GRID2: variants seen among roughly 807,000 people sequenced by gnomAD.
GRID2 encodes the protein glutamate ionotropic receptor delta type subunit 2, also known as glutamate receptor ionotropic, delta-2.
Under a neutral mutation model 114.8 loss-of-function variants are expected in GRID2, and 33 were observed. The ratio of observed to expected loss-of-function variants is 0.29; its 90% CI spans 0.22 to 0.38. GRID2 has a LOEUF of 0.38. GRID2 is among the 10% of genes least tolerant of loss of function. The probability of loss-of-function intolerance (pLI) is 1.00; values close to 1 mark genes in which losing one functional copy is unlikely to be tolerated. For missense variants in GRID2, 1,184 were observed against 1,257.7 expected (o/e 0.94, Z 0.89); for synonymous variants, 505 against 449.9 (o/e 1.12, Z -1.55).
intron 2 of GRID2, among the ~76,000 whole-genome samples, chr4:92,591,964 TC>T (rs746261917): frequency 1.3e-5 from 2 of 152,006 alleles, no homozygotes; most frequent in Non-Finnish European, 2.9e-5. Context: ...ATCAGAATCA[TC>T]CCGACAATAT....
intron 2 of GRID2, among the ~76,000 whole-genome samples, chr4:92,615,834 T>A (rs1729981024): frequency 6.6e-6 from 1 of 151,628 alleles, no homozygotes; most frequent in African/African-American, 2.4e-5. Context: ...TATCACAGTC[T>A]ACTTCAGGTT....
chr4:92,707,493 A>T (rs1033742087), intron 2 of GRID2, among the ~76,000 whole-genome samples: 1 of 152,244 alleles, frequency 6.6e-6, no homozygotes, highest in Non-Finnish European at 1.5e-5. Flanking sequence ...ACAAAGACAA[A>T]TATGAAATAA....
At chr4:92,923,126 T>G (rs1749503185) in intron 2 of GRID2, among the ~76,000 whole-genome samples, 1 of 152,202 alleles carries the variant, frequency 6.6e-6, no homozygotes, top group African/African-American at 2.4e-5. Flanking sequence ...TTTCATGAAA[T>G]GCAATAGTGT....
At chr4:93,634,666 G>A (rs1283917191) in intron 14 of GRID2, among the ~76,000 whole-genome samples, 1 of 152,050 alleles carries the variant, frequency 6.6e-6, no homozygotes, top group Non-Finnish European at 1.5e-5. Context: ...AGAAATATCT[G>A]TACAGACGAG....
chr4:93,060,592 A>G (rs1727690932), intron 2 of GRID2, among the ~76,000 whole-genome samples: 1 of 152,198 alleles, frequency 6.6e-6, no homozygotes, highest in South Asian at 2.1e-4. Context: ...ATAAGTGCTC[A>G]TAGAAATAGC....
intron 14 of GRID2, among the ~76,000 whole-genome samples, chr4:93,676,010 A>G (rs1724822955): frequency 6.6e-6 from 1 of 152,334 alleles, no homozygotes; most frequent in East Asian, 1.9e-4. Context: ...TTGAAATTCA[A>G]GAGTAATTTG....
rs536277250 is a variant in GRID2 at position 93,094,324 on chromosome 4, GA to G, written c.529+9050del. ...TTTTGCCTGCTTTTTGATTTGCTAT[GA>G]AAAAGATAAATATTTTAAGGACACC... is the stretch of plus-strand genomic sequence containing the variant. On this transcript the variant is annotated intron_variant, in intron 3 of 15. Coordinates refer to ENST00000282020, the MANE Select transcript of GRID2 (RefSeq NM_001510.4). Among the ~76,000 whole-genome samples, 463 of 152,018 alleles carry G rather than the reference GA, an allele frequency of 3.0e-3. 3 individuals carry two copies. The highest frequency in any genetic ancestry group is 5.3e-3 in the Non-Finnish European group (362 of 67,960).
intron 13 of GRID2, among the ~76,000 whole-genome samples, chr4:93,570,673 A>T (rs1161734294): frequency 6.6e-6 from 1 of 152,176 alleles, no homozygotes; most frequent in Non-Finnish European, 1.5e-5. Context: ...ATGAATATGT[A>T]CAATTGTTAT....
chr4:92,756,649 T>C (rs1192795006), intron 2 of GRID2, among the ~76,000 whole-genome samples: 1 of 152,216 alleles, frequency 6.6e-6, no homozygotes, highest in Middle Eastern at 3.4e-3. Flanking sequence ...GGTAAGATGA[T>C]ATTTTATTTT....
chr4:93,606,893 A>C lies in GRID2; in HGVS notation c.2194-19376A>C, dbSNP rs78881326. Among the ~76,000 whole-genome samples the C allele has an allele frequency of 3.0e-3, 455 of 152,288 alleles. 2 individuals carry two copies. The highest frequency in any genetic ancestry group is 0.01 in the African/African-American group (424 of 41,578). ...ATGGTATTTAAAAATTCTAAACATA[A>C]AACAAAAATATTTGGGCTTTTATTC... On this transcript the variant is annotated intron_variant, in intron 13 of 15. Transcript: ENST00000282020.
intron 12 of GRID2, among the ~76,000 whole-genome samples, chr4:93,508,723 G>A (rs1728888880): frequency 6.6e-6 from 1 of 152,142 alleles, no homozygotes; most frequent in Admixed American, 6.5e-5. Context: ...TTTCAAAGAT[G>A]AAGTTTTTTA....
intron 2 of GRID2, among the ~76,000 whole-genome samples, chr4:92,715,807 G>T (rs1735516767): frequency 1.3e-5 from 2 of 152,146 alleles, no homozygotes; most frequent in African/African-American, 4.8e-5. Flanking sequence ...AGTAAGATGA[G>T]ATTTGTATGG....
At chr4:92,471,274 A>T (rs1722020440) in intron 1 of GRID2, among the ~76,000 whole-genome samples, 1 of 152,042 alleles carries the variant, frequency 6.6e-6, no homozygotes, top group Non-Finnish European at 1.5e-5. Context: ...GCATCCTTCA[A>T]TCCTTTCAAG....
intron 13 of GRID2, among the ~76,000 whole-genome samples, chr4:93,595,613 G>A (rs545838076): frequency 6.6e-6 from 1 of 152,298 alleles, no homozygotes; most frequent in South Asian, 2.1e-4. Context: ...CTCTACCATT[G>A]TCACTCTCTT....
At chr4:92,975,156 C>CATAAAAAAAAAAAAAAA (rs1753784960) in intron 2 of GRID2, among the ~76,000 whole-genome samples, 1 of 46,692 alleles carries the variant, frequency 2.1e-5, no homozygotes, top group African/African-American at 9.8e-5. Flanking sequence ...GATTCCGCCT[C>CATAAAAAAAAAAAAAAA]AAAAAAAAAA....
chr4:93,648,250 C>T (rs773764951), intron 14 of GRID2, among the ~76,000 whole-genome samples: 5 of 151,826 alleles, frequency 3.3e-5, no homozygotes, highest in South Asian at 2.1e-4. Context: ...AACTGTGGAA[C>T]GTATGAGACA....
chr4:93,592,714 G>A (rs944550663), intron 13 of GRID2, among the ~76,000 whole-genome samples: 13 of 152,116 alleles, frequency 8.5e-5, no homozygotes, highest in Non-Finnish European at 1.3e-4. Flanking sequence ...AGGTCACTCA[G>A]GACTTGCTTT....
At position 92,866,664 on chromosome 4, in the gene GRID2, C is replaced by A. The variant is rs189460914; in HGVS notation, c.245-218331C>A. On this transcript the variant is annotated intron_variant, in intron 2 of 15. Transcript: ENST00000282020. ...GTTCACGCCATTCTCCTGCCTCAGC[C>A]TCCCGAGTAGCTGGGACTACAGGCA... Among the ~76,000 whole-genome samples the A allele has an allele frequency of 5.8e-3, 885 of 152,070 alleles. 14 individuals are homozygous for A. The highest frequency in any genetic ancestry group is 0.02 in the African/African-American group (840 of 41,486).
intron 1 of GRID2, among the ~76,000 whole-genome samples, chr4:92,435,582 G>C (rs1254273757): frequency 3.9e-5 from 6 of 152,194 alleles, no homozygotes; most frequent in Admixed American, 3.3e-4. Flanking sequence ...AACATACGAT[G>C]ACTGATTGAA....
Sources: gnomAD v4.1 joint callset for allele counts (sites outside exome capture counted in the v4.1 genomes callset) on GRCh38, gnomAD v4.1.1 for gene constraint, MANE v1.5 for transcripts, NCBI Gene and HGNC (gene_info 2026-07-23, HGNC 2026-07-21) for gene names.